The following ANKRD7 variants were observed in gnomAD, a reference collection of about 807,000 sequenced individuals.
ANKRD7 encodes ankyrin repeat domain 7.
A neutral mutation model predicts 30.8 loss-of-function variants in ANKRD7; 30 were observed. The ratio of observed to expected loss-of-function variants is 0.97; its 90% CI spans 0.73 to 1.32. ANKRD7 has a LOEUF of 1.32. Ranked by LOEUF, ANKRD7 falls within the 40% of genes most tolerant of loss-of-function variation. The pLI is 0.00. For synonymous variants in ANKRD7, 97 were observed against 106.6 expected, an observed-to-expected ratio of 0.91 and a Z score of 0.55; for missense variants, 264 against 295.7, an observed-to-expected ratio of 0.89 and a Z score of 0.79.
intron 1 of ANKRD7, among the ~76,000 whole-genome samples, chr7:118,232,716 GTGTT>G (rs201198745): frequency 0.016 from 1,983 of 120,888 alleles, 33 homozygotes; most frequent in East Asian, 0.11. Flanking sequence ...TAAGAGCAGT[GTGTT>G]TGTGTGTGTG....
chr7:118,235,002 AAAGAG>A, intron 3 of ANKRD7, 128 bp downstream of exon 3: 1 of 731,312 alleles, frequency 1.4e-6, no homozygotes, highest in Non-Finnish European at 2.1e-6. Context: ...AATTGGGGAG[AAAGAG>A]AAGAGATTAT....
chr7:118,231,289 A>C (rs938533474), intron 1 of ANKRD7, among the ~76,000 whole-genome samples: 1 of 152,086 alleles, frequency 6.6e-6, no homozygotes, highest in Non-Finnish European at 1.5e-5. Context: ...AGTGTGCCTA[A>C]TAAGTTTGAA....
At chr7:118,233,554 G>A (rs907957587) in intron 1 of ANKRD7, among the ~76,000 whole-genome samples, 1 of 151,998 alleles carries the variant, frequency 6.6e-6, no homozygotes, top group Non-Finnish European at 1.5e-5. Context: ...TTTTTAAGTA[G>A]TTATCTTATT....
intron 6 of ANKRD7, among the ~76,000 whole-genome samples, chr7:118,241,160 CAAAAAAAAAAAAA>C (rs60703234): frequency 1.4e-4 from 3 of 21,846 alleles, no homozygotes; most frequent in South Asian, 3.1e-3. Flanking sequence ...GACTCCGTCT[CAAAAAAAAAAAAA>C]AAAAAAAAAA....
chr7:118,235,753 A>G (rs754653411), intron 3 of ANKRD7, among the ~76,000 whole-genome samples: 2 of 152,170 alleles, frequency 1.3e-5, no homozygotes, highest in Admixed American at 6.5e-5. Context: ...AATTGACAGT[A>G]TGCAATGCTT....
chr7:118,227,265 A>T (rs546375017), intron 1 of ANKRD7, among the ~76,000 whole-genome samples: 13 of 152,250 alleles, frequency 8.5e-5, no homozygotes, highest in Admixed American at 7.9e-4. Flanking sequence ...ATCTCCCCCC[A>T]AACTTTGTTG....
chr7:118,239,934 C>T lies in ANKRD7; in HGVS notation c.738C>T (p.Ser246=), dbSNP rs756225177. Residue 246 remains serine, a synonymous_variant, in exon 6 of 7, where the codon AGC becomes AGT. Coordinates refer to ENST00000265224, the MANE Select transcript of ANKRD7 (RefSeq NM_019644.4). ...LLHRYPQFTA[S]HGKKKHAK ...ATAGATACCCACAATTCACTGCGAG[C>T]CATGGAAAGAAGAAACATGCTAAAT... The T allele has an allele frequency of 6.3e-7, 1 of 1,596,588 alleles. No homozygotes were observed. Among genetic ancestry groups the T allele is most frequent in the Non-Finnish European group, 8.6e-7 (1 of 1,168,946 alleles).
intron 1 of ANKRD7, among the ~76,000 whole-genome samples, chr7:118,228,467 T>A (rs958261660): frequency 6.6e-6 from 1 of 151,922 alleles, no homozygotes; most frequent in African/African-American, 2.4e-5. Flanking sequence ...GTGGCCAATT[T>A]TAAGCTACCA....
At chr7:118,229,696 G>A (rs1584722027) in intron 1 of ANKRD7, among the ~76,000 whole-genome samples, 2 of 151,918 alleles carry the variant, frequency 1.3e-5, no homozygotes, top group East Asian at 3.9e-4. Flanking sequence ...TCTAGGAAAG[G>A]TAAAAGCACT....
chr7:118,225,094 A>T (rs992930475), intron 1 of ANKRD7, 85 bp downstream of exon 1: 17 of 1,460,246 alleles, frequency 1.2e-5, no homozygotes, highest in Non-Finnish European at 1.6e-5. Flanking sequence ...GGGCTGTTTG[A>T]CACTGATTGT....
chr7:118,229,505 T>C lies in ANKRD7; in HGVS notation c.179+4496T>C, dbSNP rs528822519. The stretch of plus-strand genomic sequence containing the variant: ...AGCCATAGTGAGCGCTTAATATTTT[T>C]AAAATAAATGAATGAAAGGATGAAT... On this transcript the variant is annotated intron_variant, in intron 1 of 6. Coordinates refer to ENST00000265224, the MANE Select transcript of ANKRD7 (RefSeq NM_019644.4). Among the ~76,000 whole-genome samples the C allele has an allele frequency of 4.2e-4, 64 of 152,214 alleles. No homozygotes were observed. The South Asian group carries it at 4.6e-3, about 11-fold the overall frequency.
intron 1 of ANKRD7, among the ~76,000 whole-genome samples, 156 bp from the exon 2 acceptor site, chr7:118,234,275 A>C (rs546216648): frequency 6.6e-6 from 1 of 152,316 alleles, no homozygotes; most frequent in African/African-American, 2.4e-5. Context: ...AAGTTCAATA[A>C]AATGTAATTG....
chr7:118,230,676 A>T (rs552186031), intron 1 of ANKRD7, among the ~76,000 whole-genome samples: 5 of 151,802 alleles, frequency 3.3e-5, no homozygotes, highest in Non-Finnish European at 5.9e-5. Flanking sequence ...AGAGATACTG[A>T]AAATGAGAAA....
intron 1 of ANKRD7, among the ~76,000 whole-genome samples, chr7:118,231,952 A>G (rs1809647366): frequency 6.6e-6 from 1 of 152,170 alleles, no homozygotes; most frequent in Non-Finnish European, 1.5e-5. Context: ...CTAAAGTCTT[A>G]AATTGGGAGT....
chr7:118,227,319 G>A (rs1338783298), intron 1 of ANKRD7, among the ~76,000 whole-genome samples: 1 of 152,124 alleles, frequency 6.6e-6, no homozygotes, highest in African/African-American at 2.4e-5. Context: ...GGGGAAGCTG[G>A]GGTGCTGGCA....
chr7:118,231,483 T>C (rs1809637333), intron 1 of ANKRD7, among the ~76,000 whole-genome samples: 1 of 152,034 alleles, frequency 6.6e-6, no homozygotes, highest in Non-Finnish European at 1.5e-5. Context: ...TGAAAATAAA[T>C]GACCTAGTGT....
chr7:118,225,066 C>T, intron 1 of ANKRD7, 57 bp downstream of exon 1: 1 of 1,583,988 alleles, frequency 6.3e-7, no homozygotes, highest in Non-Finnish European at 8.6e-7. Context: ...GTCGTTCAAC[C>T]AGAAATAAGA....
intron 1 of ANKRD7, among the ~76,000 whole-genome samples, chr7:118,225,221 T>A (rs1809520697): frequency 6.6e-6 from 1 of 152,082 alleles, no homozygotes; most frequent in South Asian, 2.1e-4. Context: ...GCGTGGTTGC[T>A]CACGTCTGTA....
chr7:118,227,441 C>T (rs1809563710), intron 1 of ANKRD7, among the ~76,000 whole-genome samples: 1 of 152,106 alleles, frequency 6.6e-6, no homozygotes, highest in South Asian at 2.1e-4. Flanking sequence ...CTGAATCTCT[C>T]TATTAGTTCT....
Sources: allele counts gnomAD v4.1 joint callset (sites outside exome capture counted in the v4.1 genomes callset), GRCh38; gene constraint gnomAD v4.1.1; transcripts MANE v1.5; gene names NCBI Gene and HGNC (gene_info 2026-07-23, HGNC 2026-07-21).